The following TSFM variants were observed in gnomAD, a reference collection of about 807,000 sequenced individuals.
TSFM encodes the protein Ts translation elongation factor, mitochondrial.
A neutral mutation model predicts 33.4 loss-of-function variants in TSFM; 29 were observed. The observed-to-expected ratio is 0.87, with a 90% CI of 0.65 to 1.18. The LOEUF is 1.18. Ranked by LOEUF, TSFM falls within the 50% of genes most tolerant of loss-of-function variation. The probability of loss-of-function intolerance (pLI) is 0.00; values close to 1 mark genes in which losing one functional copy is unlikely to be tolerated. For synonymous variants in TSFM, 178 were observed against 163.5 expected, an observed-to-expected ratio of 1.09 and a Z score of -0.68; for missense variants, 394 against 395.6, an observed-to-expected ratio of 1.00 and a Z score of 0.04.
At chr12:57,792,281 G>A (rs1565823441) in intron 4 of TSFM, among the ~76,000 whole-genome samples, 2 of 152,182 alleles carry the variant, frequency 1.3e-5, no homozygotes, top group Admixed American at 6.5e-5. Flanking sequence ...AGGTGCAGTG[G>A]CTTACGCCTG....
downstream of TSFM, chr12:57,800,005 A>G: frequency 5.3e-6 from 8 of 1,517,266 alleles, no homozygotes; most frequent in Non-Finnish European, 7.2e-6. Flanking sequence ...AATATTTAAC[A>G]TTTTGACTTA....
chr12:57,797,880 C>A (rs1955767598), downstream of TSFM: 12 of 1,608,828 alleles, frequency 7.5e-6, no homozygotes, highest in Non-Finnish European at 1.0e-5. Flanking sequence ...GGCCTTCTTG[C>A]TTTAGAAAAG....
At chr12:57,794,908 C>T (rs1162447733) in intron 5 of TSFM, among the ~76,000 whole-genome samples, 4 of 151,220 alleles carry the variant, frequency 2.6e-5, no homozygotes, top group Admixed American at 2.0e-4. Flanking sequence ...TGTAGGTGCC[C>T]GCCAGCACGC....
intron 5 of TSFM, among the ~76,000 whole-genome samples, chr12:57,794,978 A>C (rs996337527): frequency 1.9e-4 from 29 of 150,818 alleles, no homozygotes; most frequent in South Asian, 2.1e-4. Flanking sequence ...CCAGGATGGT[A>C]TCGATCTCCT....
rs1955745907 is a variant in TSFM, at chr12:57,796,713, AAAT to A, written c.*134_*136del. 1 of 1,244,778 alleles carries A rather than the reference AAAT, an allele frequency of 8.0e-7. No homozygotes were observed. The highest frequency in any genetic ancestry group is 1.5e-5 in the African/African-American group (1 of 64,542). 77.1% of individuals were successfully genotyped at this position (1,244,778 alleles called of 1,614,324 possible). On this transcript the variant is annotated 3_prime_UTR_variant, in exon 6 of 6. Transcript: ENST00000652027. ...AAATTATTAAATAGTTGTATAATAA[AAAT>A]AATTTTTTCCTTGTTTGCGTAATAC... is the stretch of plus-strand genomic sequence containing the variant.
chr12:57,802,093 TC>T (rs1595157839), downstream of TSFM: 12 of 1,544,446 alleles, frequency 7.8e-6, no homozygotes, highest in Non-Finnish European at 1.1e-5. Flanking sequence ...TACTCCACCT[TC>T]CTGCCCACTG....
chr12:57,795,831 G>T (rs1272774121), intron 5 of TSFM, among the ~76,000 whole-genome samples: 1 of 151,954 alleles, frequency 6.6e-6, no homozygotes, highest in Non-Finnish European at 1.5e-5. Flanking sequence ...GGCCAGGCTG[G>T]TCTTGAATTC....
At chr12:57,799,708 G>GGAGCTGTCCTAGGCCATTTGCT, downstream of TSFM, 2 of 1,565,842 alleles carry the variant, frequency 1.3e-6, no homozygotes, top group Non-Finnish European at 1.7e-6. Flanking sequence ...ACAATGTGCC[G>GGAGCTGTCCTAGGCCATTTGCT]GAGCTGTCCT....
chr12:57,783,087 C>A, intron 1 of TSFM, 23 bp from the exon 2 acceptor site: 1 of 1,596,298 alleles, frequency 6.3e-7, no homozygotes, highest in South Asian at 1.1e-5. Context: ...TCCTGCTCCT[C>A]ATCCCTTTCT....
At chr12:57,802,320 T>C, downstream of TSFM, 1 of 1,613,464 alleles carries the variant, frequency 6.2e-7, no homozygotes, top group Non-Finnish European at 8.5e-7. Flanking sequence ...CTCCGTGGCA[T>C]TGGCCTCAGC....
At chr12:57,802,184 TAGGAACCAGCCTGTG>T, downstream of TSFM, 1 of 1,613,978 alleles carries the variant, frequency 6.2e-7, no homozygotes, top group Non-Finnish European at 8.5e-7. Context: ...GGTCCCAGGC[TAGGAACCAGCCTGTG>T]AAGATGGGAG....
chr12:57,799,602 G>A (rs1955805048), downstream of TSFM, among the ~76,000 whole-genome samples: 1 of 152,178 alleles, frequency 6.6e-6, no homozygotes, highest in African/African-American at 2.4e-5. Flanking sequence ...GAAGCTAGCT[G>A]ATAGACTGAT....
At chr12:57,801,020 A>G, downstream of TSFM, 3 of 733,446 alleles carry the variant, frequency 4.1e-6, no homozygotes, top group Non-Finnish European at 6.6e-6. Flanking sequence ...TCTTTACATC[A>G]AAACAGACAA....
downstream of TSFM, chr12:57,801,373 G>T (rs560739712): frequency 2.3e-3 from 1,307 of 561,002 alleles, 4 homozygotes; most frequent in Non-Finnish European, 3.7e-3. Flanking sequence ...GTCCATGCAG[G>T]CTTGAAAGGT....
intron 3 of TSFM, among the ~76,000 whole-genome samples, 174 bp downstream of exon 3, chr12:57,786,465 G>C (rs1159380233): frequency 6.6e-6 from 1 of 152,244 alleles, no homozygotes; most frequent in African/African-American, 2.4e-5. Flanking sequence ...TTTAAGTATA[G>C]AAATGTACTG....
downstream of TSFM, chr12:57,797,772 C>T (rs1955765399): frequency 1.1e-6 from 1 of 902,016 alleles, no homozygotes; most frequent in Non-Finnish European, 1.6e-6. Context: ...TCTATTATAT[C>T]TAAATTAAGT....
intron 4 of TSFM, among the ~76,000 whole-genome samples, chr12:57,789,632 C>A (rs1330252613): frequency 6.6e-6 from 1 of 152,210 alleles, no homozygotes; most frequent in East Asian, 1.9e-4. Flanking sequence ...TCCCAGAGTG[C>A]TGGGATTACA....
chr12:57,785,864 A>G (rs767158863), intron 2 of TSFM, among the ~76,000 whole-genome samples: 13 of 152,286 alleles, frequency 8.5e-5, no homozygotes, highest in Non-Finnish European at 1.6e-4. Context: ...AATCTTAGGG[A>G]CCGTCATCAT....
chr12:57,795,426 C>T (rs1468737218), intron 5 of TSFM, among the ~76,000 whole-genome samples: 1 of 151,862 alleles, frequency 6.6e-6, no homozygotes. Context: ...TTTATTTCTC[C>T]CCAAAACCCT....
Sources: allele counts gnomAD v4.1 joint callset (sites outside exome capture counted in the v4.1 genomes callset), GRCh38; gene constraint gnomAD v4.1.1; transcripts MANE v1.5; gene names NCBI Gene and HGNC (gene_info 2026-07-23, HGNC 2026-07-21).